NACC2: variants seen among roughly 807,000 people sequenced by gnomAD.
The protein encoded by NACC2 is NACC family member 2.
Under a neutral mutation model 25.1 loss-of-function variants are expected in NACC2, and 8 were observed. The observed-to-expected ratio is 0.32, with a 90% CI of 0.19 to 0.57. NACC2 has a LOEUF of 0.57. NACC2 is among the 20% of genes least tolerant of loss of function. The pLI is 0.89. For missense variants in NACC2, 644 were observed against 650.2 expected (o/e 0.99, Z 0.10); for synonymous variants, 435 against 294.7 (o/e 1.48, Z -4.88).
At chr9:136,093,020 T>C (rs1385329314) in intron 1 of NACC2, among the ~76,000 whole-genome samples, 1 of 152,146 alleles carries the variant, frequency 6.6e-6, no homozygotes, top group African/African-American at 2.4e-5. Flanking sequence ...TGACGGTGGC[T>C]GGGGCCACTG....
intron 2 of NACC2, 42 bp from the exon 3 acceptor site, chr9:136,016,471 G>T: frequency 1.2e-6 from 2 of 1,608,186 alleles, no homozygotes. Flanking sequence ...GCATCTGGGG[G>T]GCCGGGCTGC....
chr9:136,062,181 A>G (rs1055685971), intron 1 of NACC2, among the ~76,000 whole-genome samples: 16 of 151,784 alleles, frequency 1.1e-4, no homozygotes, highest in African/African-American at 3.9e-4. Context: ...ACAGGAAAGG[A>G]AAGAGAGAGA....
At chr9:136,064,513 T>C (rs1175870081) in intron 1 of NACC2, among the ~76,000 whole-genome samples, 1 of 152,230 alleles carries the variant, frequency 6.6e-6, no homozygotes, top group Non-Finnish European at 1.5e-5. Flanking sequence ...GTAAAACTCA[T>C]ACTTTGAAAG....
At chr9:136,085,137 ATTTTT>A (rs913472378) in intron 1 of NACC2, among the ~76,000 whole-genome samples, 239 of 82,774 alleles carry the variant, frequency 2.9e-3, no homozygotes, top group Non-Finnish European at 4.0e-3. Context: ...CATTTCTACA[ATTTTT>A]TTTTTTTTTT....
intron 2 of NACC2, among the ~76,000 whole-genome samples, chr9:136,032,915 G>C (rs1840494653): frequency 6.6e-6 from 1 of 152,124 alleles, no homozygotes; most frequent in Non-Finnish European, 1.5e-5. Context: ...CTACTCGGGA[G>C]GCTGAGGCAG....
chr9:136,068,372 G>C (rs539643330), intron 1 of NACC2, among the ~76,000 whole-genome samples: 2 of 149,924 alleles, frequency 1.3e-5, no homozygotes, highest in African/African-American at 5.1e-5. Flanking sequence ...AGTGGTGTGT[G>C]CCTGTAATCC....
At chr9:136,056,813 C>T (rs1193280474) in intron 1 of NACC2, among the ~76,000 whole-genome samples, 3 of 152,244 alleles carry the variant, frequency 2.0e-5, no homozygotes, top group African/African-American at 7.2e-5. Flanking sequence ...GGGCCAGCAT[C>T]AGCCATCAGA....
intron 1 of NACC2, among the ~76,000 whole-genome samples, chr9:136,066,578 A>G (rs1333205128): frequency 6.6e-6 from 1 of 152,226 alleles, no homozygotes; most frequent in East Asian, 1.9e-4. Context: ...AACAGTCTGG[A>G]ATTTCCTCAA....
intron 1 of NACC2, among the ~76,000 whole-genome samples, chr9:136,080,512 T>C (rs1401232283): frequency 3.9e-5 from 6 of 152,120 alleles, no homozygotes; most frequent in Non-Finnish European, 7.4e-5. Context: ...GCAGAGGTTG[T>C]GTGCTGAGAT....
intron 1 of NACC2, among the ~76,000 whole-genome samples, chr9:136,083,672 C>T (rs572671839): frequency 6.6e-6 from 1 of 152,236 alleles, no homozygotes; most frequent in Non-Finnish European, 1.5e-5. Flanking sequence ...CACCACGCTG[C>T]GGAGGCAGGC....
intron 2 of NACC2, among the ~76,000 whole-genome samples, chr9:136,039,175 T>C (rs923671816): frequency 3.6e-4 from 55 of 152,322 alleles, no homozygotes; most frequent in African/African-American, 1.3e-3. Context: ...TGAAGTGCTA[T>C]GGTGATATCA....
At chr9:136,051,071 G>C (rs1043458237) in intron 1 of NACC2, among the ~76,000 whole-genome samples, 2 of 152,230 alleles carry the variant, frequency 1.3e-5, no homozygotes, top group Non-Finnish European at 2.9e-5. Flanking sequence ...TGTGCAGTTT[G>C]CGGTTTGCTT....
chr9:136,037,964 C>T (rs1047502326), intron 2 of NACC2, among the ~76,000 whole-genome samples: 18 of 152,248 alleles, frequency 1.2e-4, no homozygotes, highest in Admixed American at 2.6e-4. Context: ...CCAGTGAATG[C>T]GTACACAAAT....
Position 136,035,727 on chromosome 9 carries a change from G to A in NACC2, c.886+13909C>T, listed in dbSNP as rs1034624280. 5.5e-5 allele frequency among the ~76,000 whole-genome samples: 8 copies of A among 144,282 alleles called. No individual in the cohort carries two copies. The East Asian group carries it at 1.7e-3, about 31-fold the overall frequency. 94.7% of individuals were successfully genotyped at this position (144,282 alleles called of 152,430 possible). A position where few individuals can be genotyped will look rare whatever the true frequency, so the allele number is the denominator to read the frequency against. Reference sequence around the variant, plus strand: ...CCTTGTTTGTTAAAAAAAAAAAAAAGTTCAGCCTTTTGATGTAAAGGGCAT... The same window carrying A: ...CCTTGTTTGTTAAAAAAAAAAAAAAATTCAGCCTTTTGATGTAAAGGGCAT... On this transcript the variant is annotated intron_variant, in intron 2 of 5. Coordinates refer to ENST00000277554, the MANE Select transcript of NACC2 (RefSeq NM_144653.5).
intron 1 of NACC2, among the ~76,000 whole-genome samples, chr9:136,070,876 G>A (rs955512142): frequency 6.6e-6 from 1 of 151,720 alleles, no homozygotes; most frequent in African/African-American, 2.4e-5. Context: ...TATCAGAAAT[G>A]AAACAGGAGA....
chr9:136,034,085 C>T (rs1840516960), intron 2 of NACC2, among the ~76,000 whole-genome samples: 1 of 151,958 alleles, frequency 6.6e-6, no homozygotes, highest in Non-Finnish European at 1.5e-5. Flanking sequence ...ACATGTACTG[C>T]CATAGGGAAA....
intron 1 of NACC2, among the ~76,000 whole-genome samples, chr9:136,083,358 T>TC (rs1830343599): frequency 6.6e-6 from 1 of 151,998 alleles, no homozygotes; most frequent in Non-Finnish European, 1.5e-5. Context: ...CAGGCTGGGT[T>TC]GGGGGGGAGG....
Position 136,019,651 on chromosome 9 carries a change from G to A in NACC2, c.887-3222C>T, listed in dbSNP as rs1023019332. On this transcript the variant is annotated intron_variant, in intron 2 of 5. Transcript: ENST00000277554. The surrounding 1 kb of genome is among the most constrained non-coding windows in gnomAD (Gnocchi z 5.2). Reference sequence around the variant, plus strand: ...CACCAGGGTCACGACGAGAGGGCCCGGAGCAGCAGCCTCCCGGGCAGCAGG... The same window carrying A: ...CACCAGGGTCACGACGAGAGGGCCCAGAGCAGCAGCCTCCCGGGCAGCAGG... Among the ~76,000 whole-genome samples, 1 of 152,176 alleles carries A rather than the reference G, an allele frequency of 6.6e-6. No homozygotes were observed. Among genetic ancestry groups the A allele is most frequent in the South Asian group, 2.1e-4 (1 of 4,832 alleles).
chr9:136,065,399 C>A (rs1302075684), intron 1 of NACC2, among the ~76,000 whole-genome samples: 1 of 152,136 alleles, frequency 6.6e-6, no homozygotes, highest in Non-Finnish European at 1.5e-5. Flanking sequence ...GCGGGCAGAT[C>A]ACTTGAGGTC....
Sources: gnomAD v4.1 joint callset for allele counts (sites outside exome capture counted in the v4.1 genomes callset) on GRCh38, gnomAD v4.1.1 for gene constraint, Gnocchi (gnomAD v3.1) non-coding constraint, MANE v1.5 for transcripts, NCBI Gene and HGNC (gene_info 2026-07-23, HGNC 2026-07-21) for gene names.